PHIP: variants seen among roughly 807,000 people sequenced by gnomAD.
PHIP encodes PHIP subunit of CUL4-Ring ligase complex.
PHIP carries 54 observed loss-of-function variants against 236.8 expected under a neutral mutation model. That is an observed-to-expected ratio of 0.23 (90% CI 0.18 to 0.29). The LOEUF (loss-of-function observed/expected upper bound fraction) is 0.29. PHIP is among the 10% of genes least tolerant of loss of function. The pLI is 1.00. For synonymous variants in PHIP, 756 were observed against 718.9 expected (o/e 1.05, Z -0.83); for missense variants, 1,370 against 2,190.8 (o/e 0.63, Z 7.48).
At chr6:79,035,044 C>G (rs1012498858) in intron 7 of PHIP, among the ~76,000 whole-genome samples, 1 of 152,100 alleles carries the variant, frequency 6.6e-6, no homozygotes, top group South Asian at 2.1e-4. Flanking sequence ...GACATCATAG[C>G]CTGACTATCT....
At chr6:78,987,767 T>C (rs1768958939) in intron 21 of PHIP, among the ~76,000 whole-genome samples, 1 of 152,190 alleles carries the variant, frequency 6.6e-6, no homozygotes, top group Non-Finnish European at 1.5e-5. Context: ...AAAATTACAC[T>C]GAGAAAGCTG....
rs878889871 is a variant in PHIP at position 78,970,698 on chromosome 6, G to A, written c.2997+83C>T. 48 of 851,134 alleles carry A rather than the reference G, an allele frequency of 5.6e-5. No individual in the cohort carries two copies. The South Asian group carries it at 7.5e-4, about 13-fold the overall frequency. 52.7% of individuals were successfully genotyped at this position (851,134 alleles called of 1,614,324 possible). A position where few individuals can be genotyped will look rare whatever the true frequency, so the allele number is the denominator to read the frequency against. ...TCTTCATGATGCAGTTTCTTATTGTGTTAATAGTAACCTTTGATACAATTT... is the reference window on the plus strand; with the variant it reads ...TCTTCATGATGCAGTTTCTTATTGTATTAATAGTAACCTTTGATACAATTT... On this transcript the variant is annotated intron_variant, in intron 25 of 39. Coordinates refer to ENST00000275034, the MANE Select transcript of PHIP (RefSeq NM_017934.7).
chr6:79,037,932 G>A (rs1772021428), intron 7 of PHIP, among the ~76,000 whole-genome samples: 1 of 152,184 alleles, frequency 6.6e-6, no homozygotes, highest in African/African-American at 2.4e-5. Context: ...ACAGACATCT[G>A]TCATGGCAAT....
intron 16 of PHIP, 99 bp from the exon 17 acceptor site, chr6:79,002,223 A>G (rs1770041083): frequency 4.2e-6 from 3 of 720,708 alleles, no homozygotes; most frequent in African/African-American, 3.6e-5. Flanking sequence ...ACACCTGAAT[A>G]CGAATAATGG....
intron 6 of PHIP, among the ~76,000 whole-genome samples, chr6:79,054,802 T>C (rs935141027): frequency 1.3e-5 from 2 of 151,950 alleles, no homozygotes; most frequent in Non-Finnish European, 2.9e-5. Flanking sequence ...ATTGGAAATA[T>C]GGCAAAATAT....
chr6:78,967,949 G>A (rs1053394830), intron 27 of PHIP, among the ~76,000 whole-genome samples: 40 of 151,674 alleles, frequency 2.6e-4, no homozygotes, highest in African/African-American at 8.5e-4. Flanking sequence ...CCTGGCTAAC[G>A]CGGTGAAACC....
chr6:78,966,124 G>A (rs1767109748), intron 27 of PHIP, 68 bp from the exon 28 acceptor site: 24 of 984,948 alleles, frequency 2.4e-5, no homozygotes, highest in South Asian at 5.2e-5. Flanking sequence ...TTTTCCTAAC[G>A]TTAACCTTTA....
intron 15 of PHIP, among the ~76,000 whole-genome samples, chr6:79,013,651 T>C (rs1316365420): frequency 6.6e-6 from 1 of 151,658 alleles, no homozygotes; most frequent in Non-Finnish European, 1.5e-5. Flanking sequence ...ACTGAAAAGG[T>C]AGAATATTAG....
At chr6:78,974,948 G>A (rs1325304026) in intron 24 of PHIP, among the ~76,000 whole-genome samples, 5 of 151,486 alleles carry the variant, frequency 3.3e-5, no homozygotes, top group African/African-American at 1.2e-4. Flanking sequence ...AGAGGTACAA[G>A]GAGGAACTGG....
At chr6:78,976,178 T>C (rs1323488488) in intron 24 of PHIP, among the ~76,000 whole-genome samples, 2 of 149,336 alleles carry the variant, frequency 1.3e-5, no homozygotes, top group Admixed American at 6.6e-5. Flanking sequence ...AAAACAGAGA[T>C]ATAGATCAAT....
chr6:78,952,634 T>C (rs931493890), intron 35 of PHIP, among the ~76,000 whole-genome samples: 6 of 152,056 alleles, frequency 3.9e-5, no homozygotes, highest in African/African-American at 1.4e-4. Flanking sequence ...TTCTATAGAA[T>C]TTGCTTAGAT....
chr6:78,943,700 T>C (rs1031273160), intron 39 of PHIP, among the ~76,000 whole-genome samples: 39 of 152,014 alleles, frequency 2.6e-4, no homozygotes, highest in Non-Finnish European at 7.4e-5. Context: ...AAGATGGAAG[T>C]GCTTGGCTGG....
intron 15 of PHIP, among the ~76,000 whole-genome samples, chr6:79,014,084 T>TTTTTTTTTTTTTTTTG (rs1192416098): frequency 6.6e-6 from 1 of 151,382 alleles, no homozygotes; most frequent in East Asian, 1.9e-4. Context: ...CCTTATTTCT[T>TTTTTTTTTTTTTTTTG]ACCTAATGTA....
intron 15 of PHIP, 128 bp from the exon 16 acceptor site, chr6:79,003,986 T>G: frequency 1.9e-6 from 1 of 537,960 alleles, no homozygotes. Flanking sequence ...AAACAAGCAT[T>G]GTACAGTAAT....
At chr6:79,031,725 T>C (rs1771679643) in intron 7 of PHIP, among the ~76,000 whole-genome samples, 1 of 152,238 alleles carries the variant, frequency 6.6e-6, no homozygotes, top group Non-Finnish European at 1.5e-5. Flanking sequence ...GATATTTACT[T>C]TGTAACCACT....
At chr6:79,058,442 T>C (rs1314723957) in intron 6 of PHIP, among the ~76,000 whole-genome samples, 2 of 152,102 alleles carry the variant, frequency 1.3e-5, no homozygotes, top group Non-Finnish European at 2.9e-5. Flanking sequence ...AAATATTTGG[T>C]TCCCTTTTAC....
chr6:79,015,300 A>G (rs1770784139), intron 14 of PHIP, 84 bp from the exon 15 acceptor site: 1 of 1,083,128 alleles, frequency 9.2e-7, no homozygotes, highest in Non-Finnish European at 1.4e-6. Flanking sequence ...ATATGGCACT[A>G]TTTCTAGAAA....
rs1306984956 is a variant in PHIP, at chr6:78,940,810, A to T, written c.5349T>A (p.Ser1783=). ...RRTAFYNEDD[S]EEEQRQLLFE... is the part of the protein sequence containing the mutation. ...ACAACAGCTGCCTTTGCTCCTCTTC[A>T]GAGTCATCCTCATTATAGAAAGCTG... Residue 1783 remains serine, a synonymous_variant, in exon 40 of 40, where the codon TCT becomes TCA. Transcript: ENST00000275034. 6.2e-7 allele frequency: 1 copy of T among 1,613,998 alleles called. No individual in the cohort carries two copies. Among genetic ancestry groups the T allele is most frequent in the South Asian group, 1.1e-5 (1 of 91,072 alleles).
intron 9 of PHIP, among the ~76,000 whole-genome samples, chr6:79,024,126 AAGT>A (rs1455853802): frequency 6.6e-6 from 1 of 152,196 alleles, no homozygotes; most frequent in East Asian, 1.9e-4. Flanking sequence ...TTTTCAAATG[AAGT>A]AGTTTTGTTA....
Sources: gnomAD v4.1 joint callset for allele counts (sites outside exome capture counted in the v4.1 genomes callset) on GRCh38, gnomAD v4.1.1 for gene constraint, MANE v1.5 for transcripts, NCBI Gene and HGNC (gene_info 2026-07-23, HGNC 2026-07-21) for gene names.